DYNLT1: variants seen among roughly 807,000 people sequenced by gnomAD.
DYNLT1 encodes T-complex testis-specific protein 1 homolog.
DYNLT1 carries 18 observed loss-of-function variants against 19.6 expected under a neutral mutation model. The ratio of observed to expected loss-of-function variants is 0.92; its 90% CI spans 0.64 to 1.36. The LOEUF (loss-of-function observed/expected upper bound fraction) is 1.36, where lower values mean the gene tolerates loss of function less well. Among genes scored for constraint, DYNLT1 ranks in the 40% most tolerant of loss-of-function variants. The probability of loss-of-function intolerance (pLI) is 0.00; values close to 1 mark genes in which losing one functional copy is unlikely to be tolerated. For synonymous variants in DYNLT1, 56 were observed against 44.0 expected (o/e 1.27, Z -1.07); for missense variants, 137 against 139.3 (o/e 0.98, Z 0.08).
At chr6:158,641,453 G>C in intron 1 of DYNLT1, 93 bp from the exon 2 acceptor site, 6 of 1,122,268 alleles carry the variant, frequency 5.3e-6, no homozygotes, top group Non-Finnish European at 5.1e-6. Flanking sequence ...ACATAATGTA[G>C]AAATGAAGAC....
chr6:158,640,531 CCT>C (rs947000485), intron 2 of DYNLT1, among the ~76,000 whole-genome samples: 1 of 152,152 alleles, frequency 6.6e-6, no homozygotes, highest in African/African-American at 2.4e-5. Context: ...ACACCCACCT[CCT>C]TTCACTCCCT....
chr6:158,644,153 T>G (rs1787258736), intron 1 of DYNLT1, among the ~76,000 whole-genome samples: 1 of 151,892 alleles, frequency 6.6e-6, no homozygotes, highest in Non-Finnish European at 1.5e-5. Context: ...CAGAACCAGG[T>G]GAGGCCCGAG....
intron 2 of DYNLT1, among the ~76,000 whole-genome samples, chr6:158,639,499 AAGG>A (rs1307199633): frequency 6.6e-6 from 1 of 152,142 alleles, no homozygotes; most frequent in East Asian, 1.9e-4. Flanking sequence ...TCAGTTTTTC[AAGG>A]AGGAGGGAAC....
chr6:158,642,488 A>C (rs1787157260), intron 1 of DYNLT1: 1 of 152,230 alleles, frequency 6.6e-6, no homozygotes, highest in Non-Finnish European at 1.5e-5. Flanking sequence ...ATCCTGAGGG[A>C]ATCAAGGCAG....
intron 3 of DYNLT1, chr6:158,637,444 C>T (rs1198374823): frequency 3.2e-6 from 2 of 616,788 alleles, no homozygotes; most frequent in African/African-American, 3.7e-5. Flanking sequence ...TGCAAATGCA[C>T]TTAATACCCT....
intron 1 of DYNLT1, 127 bp downstream of exon 1, chr6:158,644,555 G>A: frequency 8.7e-7 from 1 of 1,146,160 alleles, no homozygotes. Context: ...GGAAGCTCAG[G>A]CCGTGGGCTG....
At chr6:158,639,594 G>C (rs895375257) in intron 2 of DYNLT1, among the ~76,000 whole-genome samples, 1 of 152,146 alleles carries the variant, frequency 6.6e-6, no homozygotes, top group Non-Finnish European at 1.5e-5. Flanking sequence ...CTATTGCGGC[G>C]GCAAAAAAGC....
intron 4 of DYNLT1, 64 bp downstream of exon 4, chr6:158,637,064 A>G (rs1031415920): frequency 1.3e-6 from 2 of 1,599,190 alleles, no homozygotes; most frequent in African/African-American, 1.3e-5. Flanking sequence ...GCATTCAAAG[A>G]TAGGAAACTT....
At chr6:158,642,163 C>G (rs1388625321) in intron 1 of DYNLT1, 1 of 152,184 alleles carries the variant, frequency 6.6e-6, no homozygotes, top group Admixed American at 6.5e-5. Flanking sequence ...AATTATTTTT[C>G]TTTCCCAGTG....
rs1261054053 is a variant in DYNLT1, at chr6:158,641,345, C to T, written c.43G>A (p.Asp15Asn). The T allele has an allele frequency of 6.3e-7, 1 of 1,598,076 alleles. No individual in the cohort carries two copies. Among genetic ancestry groups the T allele is most frequent in the Non-Finnish European group, 8.5e-7 (1 of 1,174,870 alleles). The change falls in exon 2 of 5, where the codon GAT (aspartate) becomes AAT (asparagine). Residue 15 changes from aspartate to asparagine, a missense_variant. Coordinates refer to ENST00000367089, the MANE Select transcript of DYNLT1 (RefSeq NM_006519.4). ...TCTTTTACAATGTTGCTCACTTCAT[C>T]AACAACAAAAGCAGTCTGTAAGGAA... ...QAAEETAFVV[D>N]EVSNIVKEAI...
At position 158,644,731 on chromosome 6, in the gene DYNLT1, C is replaced by G; in HGVS notation, c.-23G>C. 1 of 1,609,328 alleles carries G rather than the reference C, an allele frequency of 6.2e-7. No individual in the cohort carries two copies. ...CATCTTTCCTCCGGCGCGTCCCCTC[C>G]GGCTCCCTGAGTGGCGCGGACTGCG... On this transcript the variant is annotated 5_prime_UTR_variant, in exon 1 of 5. Coordinates refer to ENST00000367089, the MANE Select transcript of DYNLT1 (RefSeq NM_006519.4).
Position 158,636,712 on chromosome 6 carries a change from A to T in DYNLT1, c.*115T>A. The T allele has an allele frequency of 7.9e-7, 1 of 1,270,938 alleles. No homozygotes were observed. Among genetic ancestry groups the T allele is most frequent in the Non-Finnish European group, 1.1e-6 (1 of 915,622 alleles). The allele number at this position is 1,270,938 out of a possible 1,614,324, so 78.7% of individuals were successfully genotyped here. A position where few individuals can be genotyped will look rare whatever the true frequency, so the allele number is the denominator to read the frequency against. On this transcript the variant is annotated 3_prime_UTR_variant, in exon 5 of 5. Coordinates refer to ENST00000367089, the MANE Select transcript of DYNLT1 (RefSeq NM_006519.4). Reference sequence around the variant, plus strand: ...GCGGTCATTTGGTTTTTTCCTCTACATTGTGAAAGTGCCACAAAACAAAGA... The same window carrying T: ...GCGGTCATTTGGTTTTTTCCTCTACTTTGTGAAAGTGCCACAAAACAAAGA...
Position 158,644,729 on chromosome 6 carries a change from T to C in DYNLT1, c.-21A>G. ...TCCATCTTTCCTCCGGCGCGTCCCC[T>C]CCGGCTCCCTGAGTGGCGCGGACTG... On this transcript the variant is annotated 5_prime_UTR_variant, in exon 1 of 5. Coordinates refer to ENST00000367089, the MANE Select transcript of DYNLT1 (RefSeq NM_006519.4). 6.2e-7 allele frequency: 1 copy of C among 1,609,348 alleles called. No individual in the cohort carries two copies. The highest frequency in any genetic ancestry group is 8.5e-7 in the Non-Finnish European group (1 of 1,179,532).
At position 158,636,712 on chromosome 6, in the gene DYNLT1, A is replaced by G. The variant is rs776688153; in HGVS notation, c.*115T>C. ...GCGGTCATTTGGTTTTTTCCTCTAC[A>G]TTGTGAAAGTGCCACAAAACAAAGA... On this transcript the variant is annotated 3_prime_UTR_variant, in exon 5 of 5. Transcript: ENST00000367089. 1.4e-4 allele frequency: 178 copies of G among 1,270,818 alleles called. No individual in the cohort carries two copies. Among genetic ancestry groups the G allele is most frequent in the Non-Finnish European group, 1.8e-4 (164 of 915,628 alleles). 78.7% of individuals were successfully genotyped at this position (1,270,818 alleles called of 1,614,324 possible). A position where few individuals can be genotyped will look rare whatever the true frequency, so the allele number is the denominator to read the frequency against.
chr6:158,644,628 T>G, intron 1 of DYNLT1, 54 bp downstream of exon 1: 1 of 1,606,962 alleles, frequency 6.2e-7, no homozygotes, highest in Non-Finnish European at 8.5e-7. Flanking sequence ...CCGCGTGTCC[T>G]TCCGCGGCCA....
chr6:158,639,827 T>C (rs1208090982), intron 2 of DYNLT1, among the ~76,000 whole-genome samples: 3 of 152,162 alleles, frequency 2.0e-5, no homozygotes, highest in Non-Finnish European at 4.4e-5. Flanking sequence ...ACTACAGGCA[T>C]GCGCCACCAA....
chr6:158,637,295 G>A, intron 3 of DYNLT1, 90 bp from the exon 4 acceptor site: 1 of 1,158,290 alleles, frequency 8.6e-7, no homozygotes, highest in Non-Finnish European at 1.3e-6. Flanking sequence ...AATGTATGTA[G>A]CTCCACGTGG....
intron 2 of DYNLT1, among the ~76,000 whole-genome samples, chr6:158,638,238 C>T (rs1467289071): frequency 6.6e-6 from 1 of 152,026 alleles, no homozygotes; most frequent in African/African-American, 2.4e-5. Context: ...ACCTAACATA[C>T]ACTAATACTA....
chr6:158,637,311 G>A, intron 3 of DYNLT1, 106 bp from the exon 4 acceptor site: 1 of 992,164 alleles, frequency 1.0e-6, no homozygotes, highest in South Asian at 1.6e-5. Flanking sequence ...CGTGGTTGAT[G>A]TTCTCGATAA....
Sources: gnomAD v4.1 joint callset for allele counts (sites outside exome capture counted in the v4.1 genomes callset) on GRCh38, gnomAD v4.1.1 for gene constraint, MANE v1.5 for transcripts, NCBI Gene and HGNC (gene_info 2026-07-23, HGNC 2026-07-21) for gene names.